Variants in RALGAPA1 observed in about 807,000 individuals in gnomAD.
RALGAPA1 encodes the protein Ral GTPase activating protein catalytic subunit alpha 1, also known as ral GTPase-activating protein subunit alpha-1.
In RALGAPA1, 52 loss-of-function variants were observed where a neutral mutation model predicts 269.6. The ratio of observed to expected loss-of-function variants is 0.19; its 90% CI spans 0.15 to 0.24. The LOEUF (loss-of-function observed/expected upper bound fraction) is 0.24. Ranked by LOEUF, RALGAPA1 falls within the 10% of genes least tolerant of loss-of-function variation. The pLI is 1.00. For synonymous variants in RALGAPA1, 817 were observed against 1,008.3 expected, an observed-to-expected ratio of 0.81 and a Z score of 3.60; for missense variants, 1,917 against 3,013.9, an observed-to-expected ratio of 0.64 and a Z score of 8.52.
At chr14:35,783,585 C>A (rs956361813) in intron 1 of RALGAPA1, among the ~76,000 whole-genome samples, 15 of 152,082 alleles carry the variant, frequency 9.9e-5, no homozygotes, top group Admixed American at 9.2e-4. Context: ...CATCAAAATT[C>A]AAAACCTTTT....
intron 27 of RALGAPA1, among the ~76,000 whole-genome samples, chr14:35,661,116 T>C (rs144334022): frequency 6.6e-6 from 1 of 151,444 alleles, no homozygotes; most frequent in Non-Finnish European, 1.5e-5. Context: ...AGACAGTAGA[T>C]CTTGGTTTCT....
At chr14:35,724,925 T>G in intron 14 of RALGAPA1, 99 bp downstream of exon 14, 1 of 963,318 alleles carries the variant, frequency 1.0e-6, no homozygotes, top group Non-Finnish European at 1.4e-6. Flanking sequence ...TGGTAACAAG[T>G]TCAGGGTTCA....
At chr14:35,641,064 C>G (rs755934355) in intron 31 of RALGAPA1, among the ~76,000 whole-genome samples, 2 of 151,868 alleles carry the variant, frequency 1.3e-5, no homozygotes, top group Non-Finnish European at 2.9e-5. Flanking sequence ...CCCCTCCCCC[C>G]ACAAAAAAAC....
chr14:35,561,653 C>T (rs1210623960), intron 39 of RALGAPA1, among the ~76,000 whole-genome samples: 3 of 151,412 alleles, frequency 2.0e-5, no homozygotes, highest in Non-Finnish European at 4.4e-5. Flanking sequence ...GGATTACAGG[C>T]GTGTGCCATC....
intron 1 of RALGAPA1, among the ~76,000 whole-genome samples, chr14:35,794,070 A>T (rs1203865920): frequency 6.6e-6 from 1 of 152,208 alleles, no homozygotes; most frequent in African/African-American, 2.4e-5. Context: ...TTTTCAAATC[A>T]GACAGATTCA....
chr14:35,554,539 G>A (rs1315503962), intron 39 of RALGAPA1, among the ~76,000 whole-genome samples: 1 of 150,826 alleles, frequency 6.6e-6, no homozygotes, highest in Non-Finnish European at 1.5e-5. Context: ...GTAGAGACGG[G>A]GTTTCACCGT....
At chr14:35,583,084 G>A (rs2415299) in intron 37 of RALGAPA1, among the ~76,000 whole-genome samples, 19,576 of 152,162 alleles carry the variant, frequency 0.13, 1,304 homozygotes, top group African/African-American at 0.14. Flanking sequence ...ATAGTCTAAA[G>A]AGACTGAACA....
At chr14:35,751,623 A>G (rs972245186) in intron 8 of RALGAPA1, among the ~76,000 whole-genome samples, 1 of 152,040 alleles carries the variant, frequency 6.6e-6, no homozygotes, top group Non-Finnish European at 1.5e-5. Flanking sequence ...ATCTCTAAAA[A>G]AAAAATAATT....
At chr14:35,781,767 C>T (rs964685889) in intron 1 of RALGAPA1, among the ~76,000 whole-genome samples, 1 of 151,906 alleles carries the variant, frequency 6.6e-6, no homozygotes, top group African/African-American at 2.4e-5. Context: ...AAACATCTGA[C>T]AAAACCCAAT....
intron 35 of RALGAPA1, among the ~76,000 whole-genome samples, chr14:35,615,515 T>G (rs1211657668): frequency 6.6e-6 from 1 of 152,220 alleles, no homozygotes; most frequent in African/African-American, 2.4e-5. Flanking sequence ...CTTACTGTCA[T>G]GTAATTAGAA....
intron 35 of RALGAPA1, among the ~76,000 whole-genome samples, chr14:35,621,453 G>A (rs985118535): frequency 3.6e-4 from 55 of 152,106 alleles, no homozygotes; most frequent in African/African-American, 1.0e-3. Context: ...ATAGGCATGC[G>A]CGAGGACTTC....
chr14:35,555,995 T>C (rs902182410), intron 39 of RALGAPA1, among the ~76,000 whole-genome samples: 11 of 152,232 alleles, frequency 7.2e-5, no homozygotes, highest in Non-Finnish European at 1.5e-4. Flanking sequence ...TGCTATACTA[T>C]AGTTTACTAT....
intron 31 of RALGAPA1, among the ~76,000 whole-genome samples, chr14:35,646,856 C>T (rs772783110): frequency 1.8e-4 from 27 of 152,252 alleles, no homozygotes; most frequent in Non-Finnish European, 3.2e-4. Context: ...CTATTTCATA[C>T]TACATACAAA....
At chr14:35,766,250 T>A in intron 4 of RALGAPA1, 1 of 802,818 alleles carries the variant, frequency 1.2e-6, no homozygotes. Flanking sequence ...GATGTGTGGA[T>A]GATGCAGCAA....
At chr14:35,778,768 T>C (rs2075233330) in intron 1 of RALGAPA1, among the ~76,000 whole-genome samples, 1 of 152,242 alleles carries the variant, frequency 6.6e-6, no homozygotes, top group Non-Finnish European at 1.5e-5. Flanking sequence ...TTCACTCCTG[T>C]CTGTAACACT....
chr14:35,616,762 T>C (rs940211067), intron 35 of RALGAPA1, among the ~76,000 whole-genome samples: 2 of 152,176 alleles, frequency 1.3e-5, no homozygotes, highest in African/African-American at 4.8e-5. Context: ...TGGTGAGGAC[T>C]AAAAGAACTT....
chr14:35,690,135 C>T, intron 17 of RALGAPA1, 132 bp from the exon 18 acceptor site: 1 of 623,996 alleles, frequency 1.6e-6, no homozygotes, highest in Non-Finnish European at 2.6e-6. Context: ...AAAAAAAAAT[C>T]AAAATACAAA....
rs546621636 is a variant in RALGAPA1, at chr14:35,785,291, C to T, written c.107-9546G>A. On this transcript the variant is annotated intron_variant, in intron 1 of 41. Transcript: ENST00000680220. ...AATGTGTTTAATAAAAATAATTACC[C>T]GTTCTTGCTTATATCTTGTTCCTTG... is the stretch of plus-strand genomic sequence containing the variant. 1.1e-4 allele frequency among the ~76,000 whole-genome samples: 16 copies of T among 152,240 alleles called. No individual in the cohort carries two copies. The East Asian group carries it at 2.5e-3, about 24-fold the overall frequency.
chr14:35,683,629 C>T (rs2065660780), intron 21 of RALGAPA1, 180 bp downstream of exon 21: 1 of 516,322 alleles, frequency 1.9e-6, no homozygotes, highest in East Asian at 3.1e-5. Flanking sequence ...GAAGCTTAAC[C>T]CAGTGGACCT....
Sources: allele counts gnomAD v4.1 joint callset (sites outside exome capture counted in the v4.1 genomes callset), GRCh38; gene constraint gnomAD v4.1.1; transcripts MANE v1.5; gene names NCBI Gene and HGNC (gene_info 2026-07-23, HGNC 2026-07-21).